LRRC37A2: variants seen among roughly 807,000 people sequenced by gnomAD.
The protein encoded by LRRC37A2 is leucine rich repeat containing 37 member A2, also known as leucine-rich repeat-containing protein 37A2.
In LRRC37A2, 9 loss-of-function variants were observed where a neutral mutation model predicts 68.8. That is an observed-to-expected ratio of 0.13 (90% CI 0.08 to 0.23). The LOEUF (loss-of-function observed/expected upper bound fraction) is 0.23, where lower values mean the gene tolerates loss of function less well. Among genes scored for constraint, LRRC37A2 ranks in the 10% least tolerant of loss-of-function variants. LRRC37A2 has a pLI of 1.00. For synonymous variants in LRRC37A2, 63 were observed against 367.6 expected (o/e 0.17, Z 9.48); for missense variants, 168 against 950.4 (o/e 0.18, Z 10.82).
the LRRC37A2 span, among the ~76,000 whole-genome samples, chr17:46,492,435 A>G: frequency 2.6e-5 from 4 of 151,018 alleles, no homozygotes; most frequent in African/African-American, 7.4e-5. Context: ...GAATATTTCA[A>G]TTATTTCTAG....
At chr17:46,731,037 G>A in the LRRC37A2 span, among the ~76,000 whole-genome samples, 3 of 151,956 alleles carry the variant, frequency 2.0e-5, no homozygotes, top group South Asian at 6.2e-4. Flanking sequence ...ACACCTACAA[G>A]CAATGAAAAA....
At chr17:46,945,625 TCTC>T in the LRRC37A2 span, among the ~76,000 whole-genome samples, 3 of 152,092 alleles carry the variant, frequency 2.0e-5, no homozygotes, top group Non-Finnish European at 4.4e-5. Flanking sequence ...GGGAAGCAGT[TCTC>T]CCTTCTTTCC....
At chr17:46,694,230 C>T in the LRRC37A2 span, among the ~76,000 whole-genome samples, 1 of 136,872 alleles carries the variant, frequency 7.3e-6, no homozygotes, top group Non-Finnish European at 1.5e-5. Context: ...ACTAAAAATA[C>T]AAAAAACTTA....
the LRRC37A2 span, among the ~76,000 whole-genome samples, chr17:46,867,462 G>C: frequency 6.6e-6 from 1 of 152,184 alleles, no homozygotes; most frequent in South Asian, 2.1e-4. Flanking sequence ...AGGTCACCTC[G>C]GAGTGAGTCA....
At chr17:46,730,229 TTA>T in the LRRC37A2 span, among the ~76,000 whole-genome samples, 4 of 152,298 alleles carry the variant, frequency 2.6e-5, no homozygotes, top group East Asian at 1.9e-4. Context: ...CAAAAAAACT[TTA>T]TGTCAGCATA....
the LRRC37A2 span, among the ~76,000 whole-genome samples, chr17:46,807,350 C>G: frequency 6.6e-6 from 1 of 152,150 alleles, no homozygotes; most frequent in Non-Finnish European, 1.5e-5. Flanking sequence ...GGTGTGGTGG[C>G]GCATGCCTAT....
chr17:46,832,511 C>T, the LRRC37A2 span, among the ~76,000 whole-genome samples: 3 of 151,866 alleles, frequency 2.0e-5, no homozygotes, highest in African/African-American at 7.3e-5. Flanking sequence ...GCTCTTTTCA[C>T]AGTTGGCTTT....
the LRRC37A2 span, among the ~76,000 whole-genome samples, chr17:46,991,930 C>G: frequency 6.6e-6 from 1 of 152,240 alleles, no homozygotes; most frequent in Non-Finnish European, 1.5e-5. Context: ...CAAATACCAC[C>G]TAGCTCTTTA....
At chr17:46,979,448 AC>A in the LRRC37A2 span, among the ~76,000 whole-genome samples, 3 of 151,758 alleles carry the variant, frequency 2.0e-5, no homozygotes, top group South Asian at 6.2e-4. Flanking sequence ...GCGAAACTCC[AC>A]CCCCTCCTGG....
At chr17:46,899,405 AAAAC>A in the LRRC37A2 span, among the ~76,000 whole-genome samples, 154 of 152,008 alleles carry the variant, frequency 1.0e-3, no homozygotes, top group Admixed American at 4.6e-3. Flanking sequence ...ACCCTGTCTC[AAAAC>A]AAACAAACAA....
chr17:46,727,181 G>A, the LRRC37A2 span, among the ~76,000 whole-genome samples: 1 of 152,188 alleles, frequency 6.6e-6, no homozygotes, highest in Admixed American at 6.5e-5. Flanking sequence ...GTGCAGTATA[G>A]TAATTTTTAA....
the LRRC37A2 span, among the ~76,000 whole-genome samples, chr17:46,928,037 C>T: frequency 6.6e-6 from 1 of 152,170 alleles, no homozygotes; most frequent in South Asian, 2.1e-4. Flanking sequence ...CAGGTGTCGG[C>T]TACCTCAGGC....
At chr17:46,950,286 G>A in the LRRC37A2 span, among the ~76,000 whole-genome samples, 3 of 152,176 alleles carry the variant, frequency 2.0e-5, no homozygotes, top group South Asian at 6.2e-4. Flanking sequence ...AGAGAGTGTG[G>A]ACTCTCTGCC....
the LRRC37A2 span, chr17:46,875,335 C>G: frequency 6.2e-7 from 1 of 1,611,024 alleles, no homozygotes; most frequent in African/African-American, 1.3e-5. Flanking sequence ...CGGGCACGGG[C>G]AGACGCCCAC....
At chr17:47,024,585 A>C in the LRRC37A2 span, 2 of 848,082 alleles carry the variant, frequency 2.4e-6, no homozygotes, top group African/African-American at 3.3e-5. Context: ...TGAAGTGACC[A>C]TGACCCAGCT....
chr17:46,907,690 A>AC, the LRRC37A2 span, among the ~76,000 whole-genome samples: 167 of 101,966 alleles, frequency 1.6e-3, 2 homozygotes, highest in Non-Finnish European at 2.5e-3. Context: ...AAAAAAAAAC[A>AC]AAAAACCCAA....
chr17:46,905,186 C>T, the LRRC37A2 span, among the ~76,000 whole-genome samples: 1 of 152,042 alleles, frequency 6.6e-6, no homozygotes, highest in Non-Finnish European at 1.5e-5. Flanking sequence ...ATTCTCCCTG[C>T]CTCAGCCTCT....
chr17:46,729,017 C>G, the LRRC37A2 span: 12 of 851,248 alleles, frequency 1.4e-5, no homozygotes, highest in Non-Finnish European at 2.0e-5. Flanking sequence ...TTTAAATAAG[C>G]AGGTTATCAT....
chr17:46,937,526 T>C, the LRRC37A2 span: 3 of 152,242 alleles, frequency 2.0e-5, no homozygotes, highest in African/African-American at 7.2e-5. Context: ...CCTTTGTAAC[T>C]CACACTCCCA....
Sources: gnomAD v4.1 joint callset for allele counts (sites outside exome capture counted in the v4.1 genomes callset) on GRCh38, gnomAD v4.1.1 for gene constraint, MANE v1.5 for transcripts, NCBI Gene and HGNC (gene_info 2026-07-23, HGNC 2026-07-21) for gene names.